The following CADM2 variants were observed in gnomAD, a reference collection of about 807,000 sequenced individuals.
CADM2 encodes cell adhesion molecule 2.
A neutral mutation model predicts 49.8 loss-of-function variants in CADM2; 12 were observed. That is an observed-to-expected ratio of 0.24 (90% CI 0.15 to 0.39). CADM2 has a LOEUF of 0.39. CADM2 is among the 10% of genes least tolerant of loss of function. The pLI is 1.00. For missense variants in CADM2, 378 were observed against 492.3 expected (o/e 0.77, Z 2.20); for synonymous variants, 214 against 175.4 (o/e 1.22, Z -1.74).
chr3:85,316,639 A>G (rs1315639458), intron 1 of CADM2, among the ~76,000 whole-genome samples: 3 of 152,184 alleles, frequency 2.0e-5, no homozygotes, highest in African/African-American at 7.2e-5. Context: ...TTTCCTTGTA[A>G]TTTAATTAAT....
intron 1 of CADM2, among the ~76,000 whole-genome samples, chr3:85,270,177 A>G (rs1356290530): frequency 2.0e-5 from 3 of 151,368 alleles, no homozygotes; most frequent in Non-Finnish European, 4.4e-5. Context: ...ATATTTTAAA[A>G]TGGAATCAGT....
intron 1 of CADM2, among the ~76,000 whole-genome samples, chr3:84,987,935 C>T (rs1030004917): frequency 8.5e-5 from 13 of 152,148 alleles, no homozygotes; most frequent in African/African-American, 2.9e-4. Flanking sequence ...TGTATGCTGT[C>T]ATAAACTTAC....
intron 1 of CADM2, among the ~76,000 whole-genome samples, chr3:84,980,260 A>G (rs971570664): frequency 6.6e-6 from 1 of 152,146 alleles, no homozygotes; most frequent in African/African-American, 2.4e-5. Context: ...TGCAGAGAAC[A>G]TTCTTTTTTT....
intron 1 of CADM2, among the ~76,000 whole-genome samples, chr3:85,264,170 C>G (rs889389553): frequency 3.9e-5 from 6 of 152,168 alleles, no homozygotes; most frequent in African/African-American, 1.4e-4. Flanking sequence ...TTTTGTTTTG[C>G]TGTAAAAGCT....
At chr3:85,166,761 T>C (rs1488658546) in intron 1 of CADM2, among the ~76,000 whole-genome samples, 1 of 151,990 alleles carries the variant, frequency 6.6e-6, no homozygotes, top group African/African-American at 2.4e-5. Context: ...AAATATATGC[T>C]TTCTCATCAA....
chr3:85,229,626 TA>T (rs2042240200), intron 1 of CADM2, among the ~76,000 whole-genome samples: 1 of 152,324 alleles, frequency 6.6e-6, no homozygotes, highest in Admixed American at 6.5e-5. Flanking sequence ...AAAAATCCTT[TA>T]AAAGAATTAT....
rs553509746 is a variant in CADM2, at chr3:85,158,720, T to C, written c.61+199052T>C. 2.8e-3 allele frequency among the ~76,000 whole-genome samples: 419 copies of C among 152,078 alleles called. 1 individual carries two copies. The highest frequency in any genetic ancestry group is 4.7e-3 in the Non-Finnish European group (320 of 67,986). ...GTGTGGGGAGTGGGGAGGGATAGCA[T>C]TGGGAGATATACCTAATGCTAGATG... On this transcript the variant is annotated intron_variant, in intron 1 of 9. Coordinates refer to ENST00000383699, the MANE Select transcript of CADM2 (RefSeq NM_001167675.2).
intron 1 of CADM2, among the ~76,000 whole-genome samples, chr3:85,315,164 G>A (rs1478375803): frequency 1.3e-5 from 2 of 152,078 alleles, no homozygotes; most frequent in Admixed American, 6.6e-5. Context: ...TCCAGGCCGA[G>A]TGAAGTGGCT....
chr3:85,715,715 C>G (rs1000435682), intron 1 of CADM2, among the ~76,000 whole-genome samples: 11 of 152,126 alleles, frequency 7.2e-5, no homozygotes, highest in African/African-American at 2.7e-4. Flanking sequence ...CCCATATGTT[C>G]TCATTGTTCA....
intron 1 of CADM2, among the ~76,000 whole-genome samples, chr3:85,232,723 T>C (rs530420898): frequency 4.6e-5 from 7 of 152,296 alleles, no homozygotes; most frequent in African/African-American, 1.7e-4. Context: ...GAGACACTCC[T>C]ACACACTTCT....
chr3:85,679,420 A>G (rs1159456215), intron 1 of CADM2, among the ~76,000 whole-genome samples: 1 of 152,150 alleles, frequency 6.6e-6, no homozygotes, highest in South Asian at 2.1e-4. Context: ...TCTTATGTAT[A>G]TAAGTCTTTT....
chr3:85,148,056 C>T (rs1039197693), intron 1 of CADM2, among the ~76,000 whole-genome samples: 20 of 152,146 alleles, frequency 1.3e-4, no homozygotes, highest in Non-Finnish European at 2.8e-4. Flanking sequence ...TATTGTAGTA[C>T]TCACAATTTT....
chr3:85,635,472 C>T (rs1264432033), intron 1 of CADM2, among the ~76,000 whole-genome samples: 1 of 152,054 alleles, frequency 6.6e-6, no homozygotes, highest in South Asian at 2.1e-4. Flanking sequence ...GATGGTATTT[C>T]GAAGATTGTT....
chr3:85,133,251 GCCA>G (rs2039292302), intron 1 of CADM2, among the ~76,000 whole-genome samples: 1 of 152,172 alleles, frequency 6.6e-6, no homozygotes, highest in Admixed American at 6.5e-5. Flanking sequence ...CCAGAGGTTT[GCCA>G]CCACTCGCTC....
intron 1 of CADM2, among the ~76,000 whole-genome samples, chr3:85,698,156 T>C (rs1194102126): frequency 6.6e-6 from 1 of 152,224 alleles, no homozygotes; most frequent in African/African-American, 2.4e-5. Context: ...ATTTAGGCAG[T>C]TAACTGCTGG....
At chr3:85,112,385 T>A (rs1486387969) in intron 1 of CADM2, among the ~76,000 whole-genome samples, 2 of 151,024 alleles carry the variant, frequency 1.3e-5, no homozygotes, top group Non-Finnish European at 3.0e-5. Context: ...TTAACTCAAC[T>A]ATAAAGTGAA....
intron 1 of CADM2, among the ~76,000 whole-genome samples, chr3:85,309,821 T>C (rs1042833438): frequency 1.3e-5 from 2 of 152,178 alleles, no homozygotes; most frequent in South Asian, 4.1e-4. Context: ...CTATATTACT[T>C]TACCCCCGTT....
intron 3 of CADM2, among the ~76,000 whole-genome samples, chr3:85,861,577 A>C: frequency 6.6e-6 from 1 of 152,258 alleles, no homozygotes; most frequent in South Asian, 2.1e-4. Context: ...CCTGGAGGTC[A>C]GGGGGTAGGT....
At chr3:85,168,350 C>T (rs555231569) in intron 1 of CADM2, among the ~76,000 whole-genome samples, 28 of 152,048 alleles carry the variant, frequency 1.8e-4, no homozygotes, top group Non-Finnish European at 3.4e-4. Flanking sequence ...CTACCATGCC[C>T]GGCCCCTTAA....
Sources: allele counts gnomAD v4.1 joint callset (sites outside exome capture counted in the v4.1 genomes callset), GRCh38; gene constraint gnomAD v4.1.1; transcripts MANE v1.5; gene names NCBI Gene and HGNC (gene_info 2026-07-23, HGNC 2026-07-21).